Variants in DNAAF9 observed in about 807,000 individuals in gnomAD.
DNAAF9 encodes the protein shulin.
DNAAF9 carries 90 observed loss-of-function variants against 167.0 expected under a neutral mutation model. That is an observed-to-expected ratio of 0.54 (90% CI 0.45 to 0.64). The LOEUF (loss-of-function observed/expected upper bound fraction) is 0.64, where lower values mean the gene tolerates loss of function less well. Ranked by LOEUF, DNAAF9 falls within the 30% of genes least tolerant of loss-of-function variation. The probability of loss-of-function intolerance (pLI) is 0.00; values close to 1 mark genes in which losing one functional copy is unlikely to be tolerated. For synonymous variants in DNAAF9, 491 were observed against 508.8 expected (o/e 0.96, Z 0.47); for missense variants, 1,315 against 1,442.2 (o/e 0.91, Z 1.43).
chr20:3,261,569 T>C (rs1179046774), intron 31 of DNAAF9, among the ~76,000 whole-genome samples: 2 of 151,482 alleles, frequency 1.3e-5, no homozygotes, highest in South Asian at 2.1e-4. Context: ...GGTTTCACCA[T>C]GTTGGCCAGG....
intron 1 of DNAAF9, among the ~76,000 whole-genome samples, chr20:3,405,308 C>T (rs1337931138): frequency 6.6e-6 from 1 of 152,176 alleles, no homozygotes; most frequent in Non-Finnish European, 1.5e-5. Context: ...TTGCAGAGTA[C>T]TATCTATGGG....
At chr20:3,371,246 G>C (rs1029560728) in intron 6 of DNAAF9, among the ~76,000 whole-genome samples, 2 of 147,986 alleles carry the variant, frequency 1.4e-5, no homozygotes, top group Non-Finnish European at 3.0e-5. Flanking sequence ...CTCATTGCTA[G>C]ATCTCATTTC....
chr20:3,397,022 A>C (rs1035268288), intron 1 of DNAAF9, among the ~76,000 whole-genome samples: 6 of 152,172 alleles, frequency 3.9e-5, no homozygotes, highest in African/African-American at 1.4e-4. Context: ...CAAGGCAGGC[A>C]GACTGCTTGA....
chr20:3,392,673 G>A (rs1314728088), intron 1 of DNAAF9, among the ~76,000 whole-genome samples: 2 of 152,000 alleles, frequency 1.3e-5, no homozygotes, highest in Non-Finnish European at 2.9e-5. Flanking sequence ...TATAACAACT[G>A]TGCATGAACA....
At chr20:3,316,561 T>C (rs1391109120) in intron 18 of DNAAF9, among the ~76,000 whole-genome samples, 162 bp downstream of exon 18, 2 of 152,200 alleles carry the variant, frequency 1.3e-5, no homozygotes, top group African/African-American at 4.8e-5. Flanking sequence ...CTATGTTCAT[T>C]TGTATAAAGA....
chr20:3,366,650 C>A (rs6076512), intron 6 of DNAAF9, among the ~76,000 whole-genome samples: 65,330 of 151,972 alleles, frequency 0.43, 14,165 homozygotes, highest in Middle Eastern at 0.55. Flanking sequence ...AGAGGCTGGG[C>A]GCTGTGGCTC....
At chr20:3,270,155 T>TC (rs1555785407) in intron 30 of DNAAF9, among the ~76,000 whole-genome samples, 1 of 148,776 alleles carries the variant, frequency 6.7e-6, no homozygotes. Flanking sequence ...TTTTTTTTTT[T>TC]AAAGAGATGG....
chr20:3,352,846 T>TTTTATATA (rs1555795389), intron 7 of DNAAF9, among the ~76,000 whole-genome samples: 2 of 146,706 alleles, frequency 1.4e-5, no homozygotes, highest in Non-Finnish European at 3.0e-5. Context: ...TTCAAAATAT[T>TTTTATATA]TATATATATA....
Position 3,252,306 on chromosome 20 carries a change from T to C in DNAAF9, c.*266A>G, listed in dbSNP as rs1410924694. On this transcript the variant is annotated 3_prime_UTR_variant, in exon 37 of 37. Transcript: ENST00000252032. The stretch of plus-strand genomic sequence containing the variant: ...CCTGTTATCAGAAACCCAGAGCTCC[T>C]GGACTGCCAGTTGCACACGTAGACG... The C allele has an allele frequency of 3.0e-6, 1 of 335,238 alleles. No homozygotes were observed. The allele number at this position is 335,238 out of a possible 1,614,324, so 20.8% of individuals were successfully genotyped here. A position where few individuals can be genotyped will look rare whatever the true frequency, so the allele number is the denominator to read the frequency against.
At chr20:3,312,087 C>A (rs987694413) in intron 20 of DNAAF9, among the ~76,000 whole-genome samples, 8 of 151,864 alleles carry the variant, frequency 5.3e-5, no homozygotes, top group African/African-American at 1.9e-4. Flanking sequence ...CTCCCAGGTT[C>A]AAGCGATTCT....
intron 29 of DNAAF9, among the ~76,000 whole-genome samples, chr20:3,271,884 G>A (rs1273994107): frequency 6.6e-6 from 1 of 152,070 alleles, no homozygotes; most frequent in African/African-American, 2.4e-5. Context: ...CTCCCAAAGT[G>A]CTGGGATTAC....
intron 1 of DNAAF9, among the ~76,000 whole-genome samples, chr20:3,389,115 C>A (rs1373504549): frequency 6.6e-6 from 1 of 151,790 alleles, no homozygotes; most frequent in Non-Finnish European, 1.5e-5. Context: ...ATTACAGGCG[C>A]CCGCCACCCA....
At chr20:3,260,891 C>T (rs779018495) in intron 31 of DNAAF9, among the ~76,000 whole-genome samples, 10 of 152,132 alleles carry the variant, frequency 6.6e-5, no homozygotes, top group Non-Finnish European at 1.3e-4. Flanking sequence ...CTCAACTTCC[C>T]AAAGTGCTAG....
chr20:3,312,534 G>A (rs2069432873), intron 20 of DNAAF9, among the ~76,000 whole-genome samples: 1 of 152,132 alleles, frequency 6.6e-6, no homozygotes, highest in South Asian at 2.1e-4. Context: ...ATCCTGAGGA[G>A]CTGAAGATAA....
intron 9 of DNAAF9, among the ~76,000 whole-genome samples, chr20:3,342,330 A>G (rs893832431): frequency 5.3e-5 from 8 of 152,104 alleles, no homozygotes; most frequent in African/African-American, 1.9e-4. Context: ...TCAAAGTACT[A>G]TGCTCTTTTC....
At position 3,332,284 on chromosome 20, in the gene DNAAF9, G is replaced by C; in HGVS notation, c.1059C>G (p.Tyr353Ter). The part of the protein sequence containing the change: ...TYFFGATHVP[Y>*]LGGDSKLPKK... ...TGACAACTTATAGGGACTTACCCAA[G>C]TAAGGAACATGAGTAGCTCCAAAAA... is the stretch of plus-strand genomic sequence containing the variant. Residue 353 changes from tyrosine to a stop codon, truncating the protein, a stop_gained, in exon 11 of 37, where the codon TAC (tyrosine) becomes TAG (stop). Transcript: ENST00000252032. LOFTEE classifies it high-confidence loss of function. 2.6e-6 allele frequency: 4 copies of C among 1,555,442 alleles called. No homozygotes were observed. The highest frequency in any genetic ancestry group is 3.5e-6 in the Non-Finnish European group (4 of 1,126,932).
At chr20:3,360,893 C>A (rs2083353002) in intron 6 of DNAAF9, among the ~76,000 whole-genome samples, 1 of 152,154 alleles carries the variant, frequency 6.6e-6, no homozygotes, top group South Asian at 2.1e-4. Context: ...GTTTAACCAC[C>A]AAGGACTCTG....
chr20:3,307,792 AAAG>A (rs2069326935), intron 20 of DNAAF9, among the ~76,000 whole-genome samples: 1 of 152,140 alleles, frequency 6.6e-6, no homozygotes, highest in Non-Finnish European at 1.5e-5. Context: ...AGCAAATGCC[AAAG>A]AAGAATTTCG....
At position 3,391,172 on chromosome 20, in the gene DNAAF9, TTTA is replaced by T. The variant is rs2083820991; in HGVS notation, c.84-8669_84-8667del. 2.0e-5 allele frequency among the ~76,000 whole-genome samples: 3 copies of T among 152,370 alleles called. No homozygotes were observed. The East Asian group carries it at 5.8e-4, about 29-fold the overall frequency. On this transcript the variant is annotated intron_variant, in intron 1 of 36. Transcript: ENST00000252032. ...CACTGTCCTAATTAGTGTTTCTTAT[TTTA>T]TTATCAAATGGTGAAACTAAATTCA...
Sources: gnomAD v4.1 joint callset for allele counts (sites outside exome capture counted in the v4.1 genomes callset) on GRCh38, gnomAD v4.1.1 for gene constraint, MANE v1.5 for transcripts, NCBI Gene and HGNC (gene_info 2026-07-23, HGNC 2026-07-21) for gene names.